Variants in DPP10 observed in about 807,000 individuals in gnomAD.
The protein encoded by DPP10 is inactive dipeptidyl peptidase 10.
A neutral mutation model predicts 120.9 loss-of-function variants in DPP10; 33 were observed. The observed-to-expected ratio is 0.27, with a 90% confidence interval of 0.21 to 0.37. The LOEUF (loss-of-function observed/expected upper bound fraction) is 0.37. Ranked by LOEUF, DPP10 falls within the 10% of genes least tolerant of loss-of-function variation. DPP10 has a pLI of 1.00. For missense variants in DPP10, 816 were observed against 942.8 expected (o/e 0.87, Z 1.76); for synonymous variants, 337 against 326.1 (o/e 1.03, Z -0.36).
At chr2:115,325,654 T>G (rs1463072770) in intron 2 of DPP10, among the ~76,000 whole-genome samples, 1 of 152,132 alleles carries the variant, frequency 6.6e-6, no homozygotes, top group Non-Finnish European at 1.5e-5. Flanking sequence ...GTGTATTAAT[T>G]TATTTAAGAT....
chr2:115,164,113 GAATCTTATGCATGTGTTCT>G (rs2052649939), intron 1 of DPP10, among the ~76,000 whole-genome samples: 1 of 152,078 alleles, frequency 6.6e-6, no homozygotes, highest in Non-Finnish European at 1.5e-5. Context: ...TCAGTTTTAT[GAATCTTATGCATGTGTTCT>G]AATAGATTGA....
chr2:115,004,376 G>A (rs112308953), intron 1 of DPP10, among the ~76,000 whole-genome samples: 111 of 152,306 alleles, frequency 7.3e-4, no homozygotes, highest in East Asian at 1.9e-3. Flanking sequence ...CAAGATGGCC[G>A]AATAGGAACA....
In DPP10 at chr2:115,810,559, TCA is replaced by T. The variant is rs573933608; in HGVS notation, c.1701-4233_1701-4232del. On this transcript the variant is annotated intron_variant, in intron 19 of 25. Coordinates refer to ENST00000410059, the MANE Select transcript of DPP10 (RefSeq NM_020868.6). The stretch of plus-strand genomic sequence containing the variant: ...TGTGAACTCATCCATACAGACACAT[TCA>T]GTGTTGAAGGTATTGAAAGAGATGA... Among the ~76,000 whole-genome samples the T allele has an allele frequency of 7.1e-3, 1,088 of 152,308 alleles. 14 individuals carry two copies. Among genetic ancestry groups the T allele is most frequent in the African/African-American group, 0.025 (1,044 of 41,568 alleles).
At chr2:115,427,330 C>T (rs779492435) in intron 3 of DPP10, among the ~76,000 whole-genome samples, 37 of 152,232 alleles carry the variant, frequency 2.4e-4, no homozygotes, top group Non-Finnish European at 4.4e-4. Context: ...TAGAGTTTCT[C>T]TGTGAGGGCT....
intron 1 of DPP10, among the ~76,000 whole-genome samples, chr2:114,887,028 T>C (rs1482969089): frequency 6.6e-6 from 1 of 152,230 alleles, no homozygotes; most frequent in Non-Finnish European, 1.5e-5. Context: ...CACTGTAGTC[T>C]TTTTTAACTC....
rs377701662 is a variant in DPP10 at position 115,244,216 on chromosome 2, GTATA to G, written c.61-65002_61-64999del. Among the ~76,000 whole-genome samples the G allele has an allele frequency of 6.1e-3, 725 of 119,804 alleles. 5 individuals carry two copies. The highest frequency in any genetic ancestry group is 0.016 in the African/African-American group (486 of 30,282). 78.6% of individuals were successfully genotyped at this position (119,804 alleles called of 152,430 possible). ...AGTGTCTATATATATATATGTGTGTGTATATATATATATATATATATATAGAGAG... is the reference window on the plus strand; with the variant it reads ...AGTGTCTATATATATATATGTGTGTGTATATATATATATATATATAGAGAG... On this transcript the variant is annotated intron_variant, in intron 1 of 25. Coordinates refer to ENST00000410059, the MANE Select transcript of DPP10 (RefSeq NM_020868.6).
At chr2:114,743,031 C>T (rs996319397) in intron 1 of DPP10, among the ~76,000 whole-genome samples, 1 of 152,194 alleles carries the variant, frequency 6.6e-6, no homozygotes, top group East Asian at 1.9e-4. Context: ...CTTAATCACA[C>T]CTAATTCCAA....
intron 5 of DPP10, among the ~76,000 whole-genome samples, chr2:115,613,458 C>G (rs1300371419): frequency 6.6e-6 from 1 of 152,136 alleles, no homozygotes; most frequent in South Asian, 2.1e-4. Flanking sequence ...CCTTAATGCC[C>G]TTGAGTTCTT....
intron 5 of DPP10, among the ~76,000 whole-genome samples, chr2:115,592,619 G>T (rs1201635067): frequency 6.6e-6 from 1 of 152,030 alleles, no homozygotes; most frequent in Non-Finnish European, 1.5e-5. Flanking sequence ...AGCTGGGCGT[G>T]GTGGCTTGTG....
At chr2:114,881,726 C>T (rs1300303750) in intron 1 of DPP10, among the ~76,000 whole-genome samples, 1 of 152,020 alleles carries the variant, frequency 6.6e-6, no homozygotes, top group African/African-American at 2.4e-5. Flanking sequence ...ACTAGGGTCA[C>T]ATTAGATTAT....
chr2:115,803,372 T>C (rs1685505175), intron 19 of DPP10, among the ~76,000 whole-genome samples: 1 of 152,190 alleles, frequency 6.6e-6, no homozygotes, highest in Admixed American at 6.5e-5. Flanking sequence ...TGATGGTTCT[T>C]GACTCTTTAT....
In DPP10 at chr2:114,643,981, C is replaced by T. The variant is rs1191800031; in HGVS notation, c.60+201143C>T. On this transcript the variant is annotated intron_variant, in intron 1 of 25. Transcript: ENST00000410059. The stretch of plus-strand genomic sequence containing the variant: ...ACAGAGTCTTGCGTTGTCATCCAGG[C>T]TGGAGTGCAGTGGCATGATCTCGGC... 2.1e-5 allele frequency among the ~76,000 whole-genome samples: 3 copies of T among 143,796 alleles called. 1 individual carries two copies. Among genetic ancestry groups the T allele is most frequent in the African/African-American group, 7.9e-5 (3 of 37,896 alleles). 94.3% of individuals were successfully genotyped at this position (143,796 alleles called of 152,430 possible).
At chr2:115,388,036 T>C (rs2067070497) in intron 3 of DPP10, among the ~76,000 whole-genome samples, 1 of 152,166 alleles carries the variant, frequency 6.6e-6, no homozygotes, top group African/African-American at 2.4e-5. Context: ...AATATTATGC[T>C]TCACCTTCAA....
At chr2:115,553,699 G>A (rs550045184) in intron 5 of DPP10, among the ~76,000 whole-genome samples, 5 of 151,940 alleles carry the variant, frequency 3.3e-5, no homozygotes, top group Admixed American at 6.6e-5. Context: ...TATGATCTTT[G>A]TAGCAAAATA....
intron 1 of DPP10, among the ~76,000 whole-genome samples, chr2:114,993,580 G>GTGTGTATATATATATA (rs71394121): frequency 2.1e-5 from 2 of 97,326 alleles, no homozygotes; most frequent in African/African-American, 3.7e-5. Flanking sequence ...GTGTGTGTGT[G>GTGTGTATATATATATA]TATATATATA....
At chr2:115,076,137 T>C (rs1443475310) in intron 1 of DPP10, among the ~76,000 whole-genome samples, 1 of 152,072 alleles carries the variant, frequency 6.6e-6, no homozygotes, top group African/African-American at 2.4e-5. Flanking sequence ...TTGTTGAAGT[T>C]TTAAAGTTTA....
At chr2:114,856,443 A>G (rs1689373833) in intron 1 of DPP10, among the ~76,000 whole-genome samples, 1 of 152,206 alleles carries the variant, frequency 6.6e-6, no homozygotes, top group South Asian at 2.1e-4. Flanking sequence ...ATGTGTCAAT[A>G]TGTCATCTGT....
intron 5 of DPP10, among the ~76,000 whole-genome samples, chr2:115,603,560 G>GTTTTTTTTTTTTTTTTTT (rs10637786): frequency 7.9e-6 from 1 of 126,422 alleles, no homozygotes; most frequent in African/African-American, 3.0e-5. Flanking sequence ...CGTTGTTGTT[G>GTTTTTTTTTTTTTTTTTT]TTTTTTTTTG....
chr2:115,444,023 C>A (rs917271368), intron 3 of DPP10, among the ~76,000 whole-genome samples: 2 of 152,146 alleles, frequency 1.3e-5, no homozygotes, highest in African/African-American at 4.8e-5. Flanking sequence ...TCCCTGCTTC[C>A]CCTCCCCCAC....
Sources: allele counts gnomAD v4.1 joint callset (sites outside exome capture counted in the v4.1 genomes callset), GRCh38; gene constraint gnomAD v4.1.1; transcripts MANE v1.5; gene names NCBI Gene and HGNC (gene_info 2026-07-23, HGNC 2026-07-21).